CPEB1: variants seen among roughly 807,000 people sequenced by gnomAD.
CPEB1 encodes the protein cytoplasmic polyadenylation element-binding protein 1.
In CPEB1, 7 loss-of-function variants were observed where a neutral mutation model predicts 65.8. That is an observed-to-expected ratio of 0.11 (90% CI 0.06 to 0.20). The LOEUF (loss-of-function observed/expected upper bound fraction) is 0.20, where lower values mean the gene tolerates loss of function less well. CPEB1 is among the 10% of genes least tolerant of loss of function. CPEB1 has a pLI of 1.00. For missense variants in CPEB1, 551 were observed against 712.2 expected, an observed-to-expected ratio of 0.77 and a Z score of 2.58; for synonymous variants, 262 against 260.0, an observed-to-expected ratio of 1.01 and a Z score of -0.08.
chr15:82,545,035 TCA>T (rs1206173184), intron 12 of CPEB1, among the ~76,000 whole-genome samples: 1 of 152,184 alleles, frequency 6.6e-6, no homozygotes, highest in Non-Finnish European at 1.5e-5. Flanking sequence ...AGTAGTTGTA[TCA>T]CATGGCTGCT....
At chr15:82,636,997 C>T (rs2046716950) in intron 1 of CPEB1, among the ~76,000 whole-genome samples, 1 of 152,178 alleles carries the variant, frequency 6.6e-6, no homozygotes, top group African/African-American at 2.4e-5. Context: ...AAAACAAAGG[C>T]TCCAGAGTTG....
intron 1 of CPEB1, chr15:82,629,632 T>C: frequency 1.0e-6 from 1 of 983,526 alleles, no homozygotes; most frequent in Non-Finnish European, 1.2e-6. Flanking sequence ...GAAATATTGG[T>C]TGACAGATTG....
chr15:82,630,126 A>T, intron 1 of CPEB1: 1 of 985,252 alleles, frequency 1.0e-6, no homozygotes, highest in Non-Finnish European at 1.2e-6. Context: ...TGCAGAGAGG[A>T]GGTCTCGCTG....
chr15:82,585,267 T>C (rs754510213), intron 3 of CPEB1, among the ~76,000 whole-genome samples: 3 of 152,154 alleles, frequency 2.0e-5, no homozygotes, highest in African/African-American at 4.8e-5. Flanking sequence ...GACAAAATGA[T>C]GCAACATATC....
chr15:82,567,462 C>T (rs1228868897), intron 4 of CPEB1, among the ~76,000 whole-genome samples: 2 of 151,758 alleles, frequency 1.3e-5, no homozygotes, highest in South Asian at 2.1e-4. Context: ...GATGGTGAAA[C>T]CCCGTCTCTA....
At chr15:82,568,741 C>T (rs2039553988) in intron 4 of CPEB1, among the ~76,000 whole-genome samples, 1 of 152,306 alleles carries the variant, frequency 6.6e-6, no homozygotes, top group South Asian at 2.1e-4. Flanking sequence ...ATGCAGCACT[C>T]GGTATACCTC....
intron 1 of CPEB1, among the ~76,000 whole-genome samples, chr15:82,632,036 CA>C (rs2046296185): frequency 7.3e-6 from 1 of 137,008 alleles, no homozygotes; most frequent in South Asian, 2.2e-4. Context: ...GGCTGGAGTG[CA>C]ATGGTGTGAT....
At chr15:82,622,522 T>A (rs926961398) in intron 3 of CPEB1, among the ~76,000 whole-genome samples, 1 of 151,988 alleles carries the variant, frequency 6.6e-6, no homozygotes, top group Non-Finnish European at 1.5e-5. Context: ...TGCCTCAGCC[T>A]CCCGGACTAC....
chr15:82,546,237 G>A (rs1007113073), intron 12 of CPEB1, among the ~76,000 whole-genome samples: 8 of 152,178 alleles, frequency 5.3e-5, no homozygotes, highest in Middle Eastern at 3.2e-3. Context: ...AGCCTCCCAA[G>A]TAGCTGGGAT....
chr15:82,605,834 T>C (rs2043533878), intron 3 of CPEB1, among the ~76,000 whole-genome samples: 1 of 151,344 alleles, frequency 6.6e-6, no homozygotes, highest in Non-Finnish European at 1.5e-5. Context: ...AGGTCGGGAG[T>C]TCGAGACCAG....
intron 5 of CPEB1, among the ~76,000 whole-genome samples, chr15:82,556,771 C>T (rs75324832): frequency 6.2e-4 from 95 of 152,318 alleles, no homozygotes; most frequent in African/African-American, 2.1e-3. Flanking sequence ...GAAGAGGTAA[C>T]TGCAGCCCAG....
intron 1 of CPEB1, among the ~76,000 whole-genome samples, chr15:82,637,597 T>C (rs1278106626): frequency 1.3e-5 from 2 of 152,112 alleles, no homozygotes; most frequent in Admixed American, 1.3e-4. Context: ...ATCAGATGCT[T>C]CTCTCCCTTT....
Position 82,557,881 on chromosome 15 carries a change from G to A in CPEB1, c.566C>T (p.Ala189Val). 6.2e-7 allele frequency: 1 copy of A among 1,614,164 alleles called. No homozygotes were observed. The highest frequency in any genetic ancestry group is 2.2e-5 in the East Asian group (1 of 44,880). ...CAGGCGTGATCCTCTAACTGAGGGTGCTGGAAACTTGTCCACCAAGTCAGA... is the reference window on the plus strand; with the variant it reads ...CAGGCGTGATCCTCTAACTGAGGGTACTGGAAACTTGTCCACCAAGTCAGA... ...LGSDLVDKFP[A>V]PSVRGSRLDT... is the part of the protein sequence containing the mutation. The change falls in exon 5 of 13, where the codon GCA (alanine) becomes GTA (valine). Residue 189 changes from alanine (A) to valine (V), a missense_variant. This residue lies in a region of CPEB1 where 223 missense variants were observed against 228.6 expected (regional missense o/e 0.98). Coordinates refer to ENST00000684509, the MANE Select transcript of CPEB1 (RefSeq NM_001365242.1).
In CPEB1 at chr15:82,628,439, AGT is replaced by A. The variant is rs1421068802; in HGVS notation, c.19_20del (p.Thr7PhefsTer48). On this transcript the variant is annotated frameshift_variant, in exon 2 of 13. Coordinates refer to ENST00000684509, the MANE Select transcript of CPEB1 (RefSeq NM_001365242.1). LOFTEE classifies it high-confidence loss of function. ...TGCCAGACATGGAAGACGATGTTGA[AGT>A]AGCAATGCCAGAAAACATATTGACA... MFSGIA[T>X]STSSSMSGTG... 2 of 702,964 alleles carry A rather than the reference AGT, an allele frequency of 2.8e-6. No individual in the cohort carries two copies. Among genetic ancestry groups the A allele is most frequent in the Non-Finnish European group, 5.2e-6 (2 of 384,980 alleles). 43.5% of individuals were successfully genotyped at this position (702,964 alleles called of 1,614,324 possible). A position where few individuals can be genotyped will look rare whatever the true frequency, so the allele number is the denominator to read the frequency against.
intron 3 of CPEB1, among the ~76,000 whole-genome samples, chr15:82,617,985 G>A (rs1294280163): frequency 2.0e-5 from 3 of 151,170 alleles, no homozygotes; most frequent in Non-Finnish European, 2.9e-5. Context: ...CGCCCGCCTC[G>A]GCCTCCCAAA....
At chr15:82,606,215 C>T (rs1204590104) in intron 3 of CPEB1, among the ~76,000 whole-genome samples, 1 of 152,128 alleles carries the variant, frequency 6.6e-6, no homozygotes, top group East Asian at 1.9e-4. Context: ...CGCCTGTAAT[C>T]CCAGCACTTT....
At chr15:82,633,426 G>A (rs951376465) in intron 1 of CPEB1, among the ~76,000 whole-genome samples, 31 of 152,196 alleles carry the variant, frequency 2.0e-4, no homozygotes, top group Middle Eastern at 3.2e-3. Context: ...ACGCTGGAGC[G>A]CAATGGCTCA....
At chr15:82,561,711 C>A (rs1054816758) in intron 4 of CPEB1, among the ~76,000 whole-genome samples, 1 of 152,214 alleles carries the variant, frequency 6.6e-6, no homozygotes, top group African/African-American at 2.4e-5. Flanking sequence ...AACCCATCTA[C>A]CTCTGCTAAC....
chr15:82,579,757 A>G (rs1250984836), intron 3 of CPEB1, among the ~76,000 whole-genome samples: 2 of 147,346 alleles, frequency 1.4e-5, no homozygotes, highest in African/African-American at 5.0e-5. Flanking sequence ...CTAAAAATAC[A>G]AAAAATTAGC....
Sources: allele counts gnomAD v4.1 joint callset (sites outside exome capture counted in the v4.1 genomes callset), GRCh38; gene constraint gnomAD v4.1.1; regional missense constraint gnomAD v4.1.1; transcripts MANE v1.5; gene names NCBI Gene and HGNC (gene_info 2026-07-23, HGNC 2026-07-21).